The following TRIT1 variants were observed in gnomAD, a reference collection of about 807,000 sequenced individuals.
TRIT1 encodes the protein tRNA isopentenyltransferase 1.
A neutral mutation model predicts 51.2 loss-of-function variants in TRIT1; 43 were observed. That is an observed-to-expected ratio of 0.84 (90% CI 0.66 to 1.08). TRIT1 has a LOEUF of 1.08. Among genes scored for constraint, TRIT1 ranks in the 50% least tolerant of loss-of-function variants. The pLI is 0.00. For synonymous variants in TRIT1, 184 were observed against 203.9 expected (o/e 0.90, Z 0.83); for missense variants, 528 against 578.4 (o/e 0.91, Z 0.89).
intron 1 of TRIT1, among the ~76,000 whole-genome samples, chr1:39,866,349 G>GT (rs1643555329): frequency 6.6e-6 from 1 of 152,038 alleles, no homozygotes; most frequent in African/African-American, 2.4e-5. Flanking sequence ...ATTTCTTCTA[G>GT]TTTTAATAGT....
At chr1:39,848,721 G>T (rs1003236314) in intron 5 of TRIT1, among the ~76,000 whole-genome samples, 2 of 151,670 alleles carry the variant, frequency 1.3e-5, no homozygotes, top group Non-Finnish European at 2.9e-5. Flanking sequence ...TACTTGGGAG[G>T]CTGGGGCAGG....
chr1:39,852,874 G>A lies in TRIT1; in HGVS notation c.417C>T (p.Pro139=), dbSNP rs761812468. The part of the protein sequence containing the change: ...LLWKVLVNTK[P]QEMGTEKVID... The stretch of plus-strand genomic sequence containing the variant: ...TCACTTTCTCAGTGCCCATCTCCTG[G>A]GGCTATTAAATGATGGTTTAGAAGT... The change falls in exon 4 of 11, where the codon CCC becomes CCT. Residue 139 remains proline (P), a splice_region_variant and synonymous_variant. Coordinates refer to ENST00000316891, the MANE Select transcript of TRIT1 (RefSeq NM_017646.6). 8.1e-6 allele frequency: 13 copies of A among 1,613,816 alleles called. No individual in the cohort carries two copies. Among genetic ancestry groups the A allele is most frequent in the East Asian group, 2.2e-5 (1 of 44,896 alleles).
chr1:39,848,966 A>G (rs1159353002), intron 5 of TRIT1, among the ~76,000 whole-genome samples: 3 of 152,110 alleles, frequency 2.0e-5, no homozygotes, highest in Non-Finnish European at 4.4e-5. Context: ...CCTGTAGAGT[A>G]AAAGTTTTTG....
intron 7 of TRIT1, 91 bp downstream of exon 7, chr1:39,847,457 C>T: frequency 2.0e-6 from 3 of 1,496,488 alleles, no homozygotes; most frequent in East Asian, 4.5e-5. Context: ...ATTTGGGACG[C>T]TTTAAGCCTT....
intron 1 of TRIT1, among the ~76,000 whole-genome samples, chr1:39,859,730 A>G (rs2124630079): frequency 6.6e-6 from 1 of 152,372 alleles, no homozygotes; most frequent in Middle Eastern, 3.4e-3. Context: ...CCCATTTTAA[A>G]GAGCTCACAT....
intron 5 of TRIT1, among the ~76,000 whole-genome samples, chr1:39,849,646 C>T (rs1295802913): frequency 2.0e-5 from 3 of 152,218 alleles, no homozygotes; most frequent in African/African-American, 7.2e-5. Context: ...ACAGAATACC[C>T]AGCACTTCAT....
intron 5 of TRIT1, 50 bp from the exon 6 acceptor site, chr1:39,848,147 T>C: frequency 7.2e-7 from 1 of 1,385,974 alleles, no homozygotes; most frequent in Admixed American, 1.7e-5. Flanking sequence ...AGGTACCTAC[T>C]ATATACTTAC....
chr1:39,883,037 GA>G (rs1209162684), intron 1 of TRIT1, among the ~76,000 whole-genome samples: 1 of 152,154 alleles, frequency 6.6e-6, no homozygotes, highest in Non-Finnish European at 1.5e-5. Context: ...ATGTGACATG[GA>G]AAAAATCGTT....
chr1:39,883,253 T>C, intron 1 of TRIT1, 65 bp downstream of exon 1: 1 of 1,531,850 alleles, frequency 6.5e-7, no homozygotes, highest in Non-Finnish European at 8.8e-7. Flanking sequence ...TTTAAGACCT[T>C]TGCCACAGGG....
chr1:39,850,372 T>C, intron 4 of TRIT1, 111 bp from the exon 5 acceptor site: 3 of 1,380,116 alleles, frequency 2.2e-6, no homozygotes, highest in Non-Finnish European at 2.9e-6. Context: ...AGCCTCTTTC[T>C]TGAAAGCCAG....
In TRIT1 at chr1:39,847,030, A is replaced by AT. The variant is rs11285784; in HGVS notation, c.1006+189dup. 0.16 allele frequency: 74,866 copies of AT among 462,168 alleles called. 676 individuals are homozygous for AT. The highest frequency in any genetic ancestry group is 0.2 in the Middle Eastern group (351 of 1,762). 28.6% of individuals were successfully genotyped at this position (462,168 alleles called of 1,614,324 possible). A position where few individuals can be genotyped will look rare whatever the true frequency, so the allele number is the denominator to read the frequency against. On this transcript the variant is annotated intron_variant, in intron 8 of 10. Transcript: ENST00000316891. ...GAAGGCAGACTCCTCAATGCAAATAATTTTTTTTTTTTTTGTGACATCCCA... is the reference window on the plus strand; with the variant it reads ...GAAGGCAGACTCCTCAATGCAAATAATTTTTTTTTTTTTTTGTGACATCCCA...
rs188574149 is a variant in TRIT1 at position 39,858,143 on chromosome 1, T to C, written c.175-726A>G. ...AGATCTGAAAATACCAGTTTGAAAA[T>C]AGGGATGAATACTTTGAGATTAAAT... On this transcript the variant is annotated intron_variant, in intron 1 of 10. Transcript: ENST00000316891. 1.7e-3 allele frequency among the ~76,000 whole-genome samples: 260 copies of C among 152,320 alleles called. 2 individuals are homozygous for C. The highest frequency in any genetic ancestry group is 5.5e-3 in the African/African-American group (227 of 41,566).
intron 1 of TRIT1, among the ~76,000 whole-genome samples, chr1:39,880,485 A>G (rs919485625): frequency 2.0e-5 from 3 of 152,132 alleles, no homozygotes; most frequent in African/African-American, 7.2e-5. Context: ...ACTGAAAAGC[A>G]GCATCTCCTT....
At chr1:39,851,420 AAAC>A in intron 4 of TRIT1, among the ~76,000 whole-genome samples, 1 of 152,310 alleles carries the variant, frequency 6.6e-6, no homozygotes, top group East Asian at 1.9e-4. Flanking sequence ...TCATGTAATA[AAAC>A]AATATAAAAA....
At chr1:39,856,529 T>TCTATATCTG (rs1470411093) in intron 2 of TRIT1, among the ~76,000 whole-genome samples, 1 of 151,244 alleles carries the variant, frequency 6.6e-6, no homozygotes, top group African/African-American at 2.4e-5. Flanking sequence ...TCCATTTGAA[T>TCTATATCTG]CTATATCTGG....
chr1:39,844,703 G>T (rs1642127906), intron 8 of TRIT1, 63 bp from the exon 9 acceptor site: 1 of 1,180,644 alleles, frequency 8.5e-7, no homozygotes, highest in Non-Finnish European at 1.3e-6. Flanking sequence ...CTGCAGCCAG[G>T]ACTCTGAAAT....
chr1:39,865,441 C>G (rs916366823), intron 1 of TRIT1, among the ~76,000 whole-genome samples: 7 of 152,182 alleles, frequency 4.6e-5, no homozygotes, highest in African/African-American at 1.7e-4. Flanking sequence ...AAATCCATAT[C>G]CACAATCTAG....
At chr1:39,869,490 A>G (rs1226817532) in intron 1 of TRIT1, among the ~76,000 whole-genome samples, 1 of 152,122 alleles carries the variant, frequency 6.6e-6, no homozygotes, top group Non-Finnish European at 1.5e-5. Context: ...TGGCCTCCCA[A>G]AGTGCCGAGA....
At chr1:39,863,465 A>G (rs1643360846) in intron 1 of TRIT1, among the ~76,000 whole-genome samples, 1 of 152,226 alleles carries the variant, frequency 6.6e-6, no homozygotes, top group Non-Finnish European at 1.5e-5. Context: ...GTCTCTTAAA[A>G]AAAAAGAGTC....
Sources: allele counts gnomAD v4.1 joint callset (sites outside exome capture counted in the v4.1 genomes callset), GRCh38; gene constraint gnomAD v4.1.1; transcripts MANE v1.5; gene names NCBI Gene and HGNC (gene_info 2026-07-23, HGNC 2026-07-21).